The following METTL21A variants were observed in gnomAD, a reference collection of about 807,000 sequenced individuals.
METTL21A encodes the protein methyltransferase 21A, HSPA lysine.
A neutral mutation model predicts 20.9 loss-of-function variants in METTL21A; 22 were observed. The ratio of observed to expected loss-of-function variants is 1.05; its 90% CI spans 0.75 to 1.50. The LOEUF is 1.50. Among genes scored for constraint, METTL21A ranks in the 40% most tolerant of loss-of-function variants. The pLI is 0.00. For synonymous variants in METTL21A, 93 were observed against 102.0 expected (o/e 0.91, Z 0.53); for missense variants, 271 against 266.8 (o/e 1.02, Z -0.11).
chr2:207,584,022 T>C (rs1190987671), intron 3 of METTL21A, among the ~76,000 whole-genome samples: 2 of 152,240 alleles, frequency 1.3e-5, no homozygotes, highest in South Asian at 2.1e-4. Flanking sequence ...TTGGGACTTA[T>C]CCCAGATAAT....
exon 4 of METTL21A, chr2:207,613,379 G>T (rs1364413439): frequency 6.2e-7 from 1 of 1,609,600 alleles, no homozygotes; most frequent in Non-Finnish European, 8.5e-7. Context: ...GAGGTAAGTT[G>T]GCTTGAACGT....
chr2:207,584,838 A>G (rs1049780899), intron 3 of METTL21A, among the ~76,000 whole-genome samples: 1 of 152,178 alleles, frequency 6.6e-6, no homozygotes, highest in African/African-American at 2.4e-5. Flanking sequence ...TGTCAGAGCA[A>G]GTATTTTCTT....
chr2:207,593,942 C>G (rs1474219391), intron 3 of METTL21A, among the ~76,000 whole-genome samples: 1 of 152,140 alleles, frequency 6.6e-6, no homozygotes, highest in East Asian at 1.9e-4. Flanking sequence ...TGGTCTCAAA[C>G]TCCTGGCCTC....
downstream of METTL21A, chr2:207,612,583 G>A (rs2089124002): frequency 6.5e-6 from 1 of 152,926 alleles, no homozygotes; most frequent in South Asian, 2.1e-4. Flanking sequence ...AGCACTAACA[G>A]CTCAAGGAAT....
At chr2:207,581,993 G>A (rs1231649702) in exon 4 of METTL21A, 12 of 700,426 alleles carry the variant, frequency 1.7e-5, no homozygotes, top group Middle Eastern at 4.6e-4. Flanking sequence ...ATTCCACAGA[G>A]GTATAGTGTG....
At chr2:207,592,694 G>A (rs2085295170) in intron 3 of METTL21A, among the ~76,000 whole-genome samples, 1 of 152,042 alleles carries the variant, frequency 6.6e-6, no homozygotes, top group Admixed American at 6.6e-5. Flanking sequence ...ACCAAGGCAG[G>A]CGGATCACGA....
intron 3 of METTL21A, chr2:207,620,621 G>C (rs1251347089): frequency 4.0e-6 from 6 of 1,498,002 alleles, no homozygotes; most frequent in African/African-American, 1.4e-5. Context: ...TAACATACAC[G>C]GGAATGTTCT....
intron 2 of METTL21A, among the ~76,000 whole-genome samples, chr2:207,622,136 G>C (rs1307627201): frequency 2.0e-5 from 3 of 151,856 alleles, no homozygotes; most frequent in African/African-American, 7.3e-5. Context: ...CACTAAATGG[G>C]GTCCTGCTGG....
chr2:207,608,880 T>A (rs2106846946), downstream of METTL21A, among the ~76,000 whole-genome samples: 1 of 152,332 alleles, frequency 6.6e-6, no homozygotes, highest in South Asian at 2.1e-4. Flanking sequence ...TGAGCTGAGA[T>A]CGTGCCCCGC....
chr2:207,589,510 A>C (rs1453652456), intron 3 of METTL21A, among the ~76,000 whole-genome samples: 4 of 152,204 alleles, frequency 2.6e-5, no homozygotes, highest in Non-Finnish European at 5.9e-5. Context: ...CCTTTGCCAT[A>C]TAAGGTAACA....
intron 3 of METTL21A, chr2:207,600,801 CA>C (rs1344744137): frequency 4.8e-6 from 1 of 209,412 alleles, no homozygotes; most frequent in African/African-American, 2.3e-5. Flanking sequence ...CCCTGTAGGA[CA>C]AATCCCTACT....
downstream of METTL21A, among the ~76,000 whole-genome samples, chr2:207,604,174 G>A (rs933060802): frequency 3.9e-5 from 6 of 152,178 alleles, no homozygotes; most frequent in Non-Finnish European, 5.9e-5. Context: ...GGAAAAGATT[G>A]CCCATCTTGT....
At chr2:207,583,307 C>T (rs1390233778) in intron 3 of METTL21A, among the ~76,000 whole-genome samples, 1 of 152,148 alleles carries the variant, frequency 6.6e-6, no homozygotes, top group Non-Finnish European at 1.5e-5. Context: ...TACACACTAA[C>T]ATATCTGACT....
downstream of METTL21A, among the ~76,000 whole-genome samples, chr2:207,581,160 C>A (rs1244885095): frequency 6.6e-6 from 1 of 152,002 alleles, no homozygotes; most frequent in African/African-American, 2.4e-5. Context: ...ACTATAAACC[C>A]CCTATTTAGG....
chr2:207,603,367 CTG>C (rs1441009006), intron 3 of METTL21A: 5 of 224,522 alleles, frequency 2.2e-5, no homozygotes, highest in Non-Finnish European at 2.7e-5. Context: ...GTGGTATCAA[CTG>C]TCATAATGCT....
intron 3 of METTL21A, among the ~76,000 whole-genome samples, chr2:207,586,042 A>G (rs553460152): frequency 7.9e-5 from 12 of 152,300 alleles, no homozygotes; most frequent in African/African-American, 2.4e-4. Flanking sequence ...CAGTTTATCC[A>G]AAAAGGCCTT....
At chr2:207,590,416 T>A (rs745380277) in intron 3 of METTL21A, among the ~76,000 whole-genome samples, 55 of 152,058 alleles carry the variant, frequency 3.6e-4, no homozygotes, top group Non-Finnish European at 4.3e-4. Context: ...CAACCAAAAT[T>A]CTTAGTTTCA....
chr2:207,596,861 A>T, intron 3 of METTL21A: 1 of 1,574,402 alleles, frequency 6.4e-7, no homozygotes, highest in South Asian at 1.2e-5. Context: ...GTAATCCAAA[A>T]TAAATATGTG....
At chr2:207,581,917 A>T (rs1364284154) in exon 4 of METTL21A, 1 of 702,884 alleles carries the variant, frequency 1.4e-6, no homozygotes, top group Admixed American at 2.0e-5. Context: ...CTTTTAGAAT[A>T]TCCCTCAGTT....
Sources: gnomAD v4.1 joint callset for allele counts (sites outside exome capture counted in the v4.1 genomes callset) on GRCh38, gnomAD v4.1.1 for gene constraint, MANE v1.5 for transcripts, NCBI Gene and HGNC (gene_info 2026-07-23, HGNC 2026-07-21) for gene names.